The following DEUP1 variants were observed in gnomAD, a reference collection of about 807,000 sequenced individuals.
DEUP1 encodes coiled-coil domain containing 67.
Under a neutral mutation model 87.4 loss-of-function variants are expected in DEUP1, and 82 were observed. The observed-to-expected ratio is 0.94, with a 90% CI of 0.78 to 1.13. DEUP1 has a LOEUF of 1.13. Ranked by LOEUF, DEUP1 falls within the 50% of genes most tolerant of loss-of-function variation. DEUP1 has a pLI of 0.00. For synonymous variants in DEUP1, 214 were observed against 222.7 expected (o/e 0.96, Z 0.35); for missense variants, 663 against 681.5 (o/e 0.97, Z 0.30).
intron 7 of DEUP1, among the ~76,000 whole-genome samples, chr11:93,374,646 T>C (rs562025419): frequency 1.3e-5 from 2 of 152,318 alleles, no homozygotes; most frequent in East Asian, 3.9e-4. Flanking sequence ...TCTGTGCCTA[T>C]TTTTATACCA....
At chr11:93,354,943 T>C (rs975800295) in intron 2 of DEUP1, among the ~76,000 whole-genome samples, 1 of 152,154 alleles carries the variant, frequency 6.6e-6, no homozygotes, top group Non-Finnish European at 1.5e-5. Context: ...TATAGCCCAG[T>C]TGGTACCCTT....
At chr11:93,335,884 G>C (rs965262582) in intron 2 of DEUP1, among the ~76,000 whole-genome samples, 1 of 152,196 alleles carries the variant, frequency 6.6e-6, no homozygotes, top group Non-Finnish European at 1.5e-5. Flanking sequence ...GGAAGCCAAG[G>C]CAGGTGGATC....
chr11:93,435,845 A>C (rs1420255806), intron 13 of DEUP1, among the ~76,000 whole-genome samples: 1 of 151,926 alleles, frequency 6.6e-6, no homozygotes, highest in Non-Finnish European at 1.5e-5. Context: ...AAATACAAAA[A>C]ATTAGCCGGG....
chr11:93,411,221 A>G (rs564417624), intron 12 of DEUP1: 2 of 152,348 alleles, frequency 1.3e-5, no homozygotes, highest in East Asian at 3.9e-4. Flanking sequence ...GTAAAAAACT[A>G]TGTATGTATA....
chr11:93,345,567 TGGC>T (rs1178838784), intron 2 of DEUP1, among the ~76,000 whole-genome samples: 1 of 152,238 alleles, frequency 6.6e-6, no homozygotes, highest in Non-Finnish European at 1.5e-5. Flanking sequence ...TGGTGTGAGA[TGGC>T]ATCTCATTAT....
intron 11 of DEUP1, among the ~76,000 whole-genome samples, chr11:93,403,200 C>G (rs897995653): frequency 2.6e-5 from 4 of 151,674 alleles, no homozygotes; most frequent in Non-Finnish European, 5.9e-5. Context: ...TCTTTTTCTA[C>G]TTGTTTTAAG....
chr11:93,394,553 A>G lies in DEUP1; in HGVS notation c.1136A>G (p.Gln379Arg). The G allele has an allele frequency of 6.2e-7, 1 of 1,613,070 alleles. No individual in the cohort carries two copies. Among genetic ancestry groups the G allele is most frequent in the South Asian group, 1.1e-5 (1 of 90,784 alleles). Residue 379 changes from glutamine to arginine, a missense_variant, in exon 10 of 14, where the codon CAG becomes CGG. Physicochemically the swap from Gln to Arg is conservative, Grantham distance 43 (BLOSUM62 1). Transcript: ENST00000298050. Reference sequence around the variant, plus strand: ...TCTGACCTAACAGAAGAGCTTCATCAGAAGGAGATCACTATAGCAACTGTC... The same window carrying G: ...TCTGACCTAACAGAAGAGCTTCATCGGAAGGAGATCACTATAGCAACTGTC... ...EISDLTEELHQKEITIATVTK... is the reference protein window; with the variant it reads ...EISDLTEELHRKEITIATVTK...
chr11:93,385,028 C>G (rs1407391407), intron 7 of DEUP1, among the ~76,000 whole-genome samples: 1 of 152,142 alleles, frequency 6.6e-6, no homozygotes, highest in Non-Finnish European at 1.5e-5. Context: ...TTGAGACCAG[C>G]CTGATCAACA....
At chr11:93,384,438 C>T (rs80240396) in intron 7 of DEUP1, among the ~76,000 whole-genome samples, 1,648 of 152,328 alleles carry the variant, frequency 0.011, 25 homozygotes, top group African/African-American at 0.037. Flanking sequence ...AGGCAATTCT[C>T]CCAATGTGCT....
intron 2 of DEUP1, among the ~76,000 whole-genome samples, chr11:93,344,602 C>G (rs1467093866): frequency 6.6e-6 from 1 of 152,082 alleles, no homozygotes; most frequent in Admixed American, 6.6e-5. Context: ...TTAGATATCT[C>G]ATGTATTCCA....
chr11:93,351,780 C>T (rs947781296), intron 2 of DEUP1, among the ~76,000 whole-genome samples: 4 of 152,174 alleles, frequency 2.6e-5, no homozygotes, highest in African/African-American at 9.7e-5. Context: ...GTACTTAAAA[C>T]AAACCTCTCT....
intron 7 of DEUP1, among the ~76,000 whole-genome samples, chr11:93,376,894 C>T (rs188647937): frequency 1.3e-5 from 2 of 152,230 alleles, no homozygotes; most frequent in East Asian, 3.9e-4. Context: ...CATTTGGGAG[C>T]AGGTTATTTA....
chr11:93,417,263 T>C (rs1365061773), intron 13 of DEUP1, among the ~76,000 whole-genome samples: 12 of 150,232 alleles, frequency 8.0e-5, no homozygotes, highest in East Asian at 1.9e-4. Context: ...GATGACATGA[T>C]TGTATATCGA....
chr11:93,390,732 G>T (rs1220293341), intron 9 of DEUP1, among the ~76,000 whole-genome samples: 1 of 152,076 alleles, frequency 6.6e-6, no homozygotes, highest in African/African-American at 2.4e-5. Flanking sequence ...GACCCTTGGA[G>T]GCCACTAAAT....
intron 2 of DEUP1, among the ~76,000 whole-genome samples, chr11:93,347,783 A>AGTGAAGT (rs1315301855): frequency 1.3e-5 from 2 of 152,046 alleles, no homozygotes; most frequent in Non-Finnish European, 2.9e-5. Flanking sequence ...TTTGATGCCC[A>AGTGAAGT]GGCTGGAGTG....
chr11:93,369,244 A>T (rs942047162), intron 5 of DEUP1, among the ~76,000 whole-genome samples: 1 of 152,088 alleles, frequency 6.6e-6, no homozygotes, highest in African/African-American at 2.4e-5. Flanking sequence ...ATTACCTCCC[A>T]AAGGCCCCAT....
chr11:93,359,854 G>C (rs1009837567), intron 4 of DEUP1, among the ~76,000 whole-genome samples: 5 of 152,178 alleles, frequency 3.3e-5, no homozygotes, highest in African/African-American at 9.7e-5. Context: ...GCTGTAACAA[G>C]GTAACCCGGG....
chr11:93,408,653 C>T (rs758853066), intron 12 of DEUP1, among the ~76,000 whole-genome samples: 32 of 152,076 alleles, frequency 2.1e-4, no homozygotes, highest in Non-Finnish European at 5.9e-5. Context: ...GTTTGTTAGT[C>T]ATCTCAGATC....
intron 11 of DEUP1, among the ~76,000 whole-genome samples, chr11:93,397,746 G>C (rs955214580): frequency 1.3e-5 from 2 of 152,088 alleles, no homozygotes; most frequent in Non-Finnish European, 1.5e-5. Context: ...GCTTGCATAT[G>C]CACACATAAG....
Sources: gnomAD v4.1 joint callset for allele counts (sites outside exome capture counted in the v4.1 genomes callset) on GRCh38, gnomAD v4.1.1 for gene constraint, MANE v1.5 for transcripts, NCBI Gene and HGNC (gene_info 2026-07-23, HGNC 2026-07-21) for gene names.